Variants in LRRC40 observed in about 807,000 individuals in gnomAD.
LRRC40 encodes leucine rich repeat containing 40, also known as leucine-rich repeat-containing protein 40.
In LRRC40, 76 loss-of-function variants were observed where a neutral mutation model predicts 72.8. The ratio of observed to expected loss-of-function variants is 1.04; its 90% CI spans 0.87 to 1.26. LRRC40 has a LOEUF of 1.26. Among genes scored for constraint, LRRC40 ranks in the 50% most tolerant of loss-of-function variants. The pLI, the probability that LRRC40 is intolerant of heterozygous loss-of-function variation, is 0.00. For missense variants in LRRC40, 684 were observed against 698.9 expected (o/e 0.98, Z 0.24); for synonymous variants, 243 against 254.2 (o/e 0.96, Z 0.42).
intron 2 of LRRC40, 44 bp from the exon 3 acceptor site, chr1:70,187,382 A>G (rs761846103): frequency 2.2e-6 from 2 of 929,862 alleles, no homozygotes; most frequent in Non-Finnish European, 3.4e-6. Flanking sequence ...TAGTCTTATC[A>G]TTAACAATAT....
chr1:70,204,179 C>T (rs1668830865), intron 1 of LRRC40, among the ~76,000 whole-genome samples: 2 of 152,196 alleles, frequency 1.3e-5, no homozygotes, highest in African/African-American at 2.4e-5. Context: ...TTTGAGAATA[C>T]TCATTCACTT....
chr1:70,203,812 G>C (rs570018869), intron 1 of LRRC40, among the ~76,000 whole-genome samples: 1 of 152,280 alleles, frequency 6.6e-6, no homozygotes, highest in East Asian at 1.9e-4. Context: ...AATTATAGTG[G>C]TTTGCCTATC....
intron 7 of LRRC40, 33 bp downstream of exon 7, chr1:70,175,777 C>T (rs754510905): frequency 5.0e-6 from 7 of 1,412,476 alleles, no homozygotes; most frequent in East Asian, 2.6e-5. Flanking sequence ...CAAATACAAA[C>T]ACAATTTCTA....
At position 70,194,359 on chromosome 1, in the gene LRRC40, G is replaced by GA. The variant is rs527724763; in HGVS notation, c.152-5087dup. 2.0e-3 allele frequency among the ~76,000 whole-genome samples: 307 copies of GA among 152,154 alleles called. 1 individual carries two copies. The highest frequency in any genetic ancestry group is 7.2e-3 in the African/African-American group (300 of 41,558). On this transcript the variant is annotated intron_variant, in intron 1 of 14. Transcript: ENST00000370952. ...TACAATACAAGACATCCGAAACCAT[G>GA]AAATAGTATTAAATGTACAAAATAT...
At position 70,159,439 on chromosome 1, in the gene LRRC40, C is replaced by G; in HGVS notation, c.1112-1G>C. 1 of 1,485,122 alleles carries G rather than the reference C, an allele frequency of 6.7e-7. No individual in the cohort carries two copies. The highest frequency in any genetic ancestry group is 9.3e-7 in the Non-Finnish European group (1 of 1,075,080). The allele number at this position is 1,485,122 out of a possible 1,614,324, so 92.0% of individuals were successfully genotyped here. A position where few individuals can be genotyped will look rare whatever the true frequency, so the allele number is the denominator to read the frequency against. ...GACTCACTTTGGCTAGGTCCATCAT[C>G]TGGCAAAAGAAAACTTATATGAAGC... On this transcript the variant is annotated splice_acceptor_variant, in intron 9 of 14. Coordinates refer to ENST00000370952, the MANE Select transcript of LRRC40 (RefSeq NM_017768.5). LOFTEE classifies it high-confidence loss of function.
intron 14 of LRRC40, among the ~76,000 whole-genome samples, chr1:70,147,677 TTA>T (rs1440430425): frequency 6.6e-6 from 1 of 152,172 alleles, no homozygotes; most frequent in Non-Finnish European, 1.5e-5. Flanking sequence ...TCAACTGTAT[TTA>T]TAGTCTCCTA....
At chr1:70,201,764 G>A (rs2100357055) in intron 1 of LRRC40, among the ~76,000 whole-genome samples, 1 of 152,230 alleles carries the variant, frequency 6.6e-6, no homozygotes, top group African/African-American at 2.4e-5. Context: ...CCTGAGGTCA[G>A]CAGTTCAAGA....
At chr1:70,169,846 C>G (rs1311064858) in intron 9 of LRRC40, among the ~76,000 whole-genome samples, 1 of 152,054 alleles carries the variant, frequency 6.6e-6, no homozygotes, top group East Asian at 1.9e-4. Context: ...TTCTACCAAA[C>G]ATTCAAAAAA....
In LRRC40 at chr1:70,178,886, A is replaced by G. The variant is rs756727336; in HGVS notation, c.769T>C (p.Phe257Leu). Residue 257 changes from phenylalanine (F) to leucine (L), a missense_variant, in exon 6 of 15, where the codon TTT becomes CTT. Physicochemically the swap from Phe to Leu is conservative, Grantham distance 22. Transcript: ENST00000370952. ...CTACAAGAAGGAAATTCTGGTAGAA[A>G]ACGTAATTTATTCCTCCGCAAATAA... ...LLYLRRNKLR[F>L]LPEFPSCSLL... The G allele has an allele frequency of 1.3e-6, 2 of 1,598,038 alleles. No homozygotes were observed. The highest frequency in any genetic ancestry group is 2.7e-5 in the African/African-American group (2 of 74,770).
intron 9 of LRRC40, among the ~76,000 whole-genome samples, chr1:70,169,378 C>G (rs1030395859): frequency 6.6e-6 from 1 of 152,060 alleles, no homozygotes; most frequent in African/African-American, 2.4e-5. Context: ...TTTAACCACC[C>G]AGAACGCTGG....
chr1:70,150,288 G>C (rs753699734), intron 13 of LRRC40, among the ~76,000 whole-genome samples: 1 of 152,098 alleles, frequency 6.6e-6, no homozygotes, highest in Non-Finnish European at 1.5e-5. Flanking sequence ...TGACATAGTT[G>C]TTAAGAGCCC....
intron 1 of LRRC40, among the ~76,000 whole-genome samples, chr1:70,189,845 G>T (rs191074649): frequency 6.6e-6 from 1 of 152,284 alleles, no homozygotes; most frequent in African/African-American, 2.4e-5. Context: ...TTTGGCCAGG[G>T]TTACAAAGCT....
At chr1:70,204,030 G>T (rs897708469) in intron 1 of LRRC40, among the ~76,000 whole-genome samples, 1 of 152,078 alleles carries the variant, frequency 6.6e-6, no homozygotes, top group African/African-American at 2.4e-5. Flanking sequence ...TTAGGTTCTG[G>T]TTATATAACA....
chr1:70,157,996 G>A (rs1667676230), intron 10 of LRRC40, among the ~76,000 whole-genome samples: 1 of 150,878 alleles, frequency 6.6e-6, no homozygotes, highest in Non-Finnish European at 1.5e-5. Context: ...AGCTACTTGG[G>A]AGGCTGAGGT....
At chr1:70,175,065 G>A (rs998341077) in intron 7 of LRRC40, among the ~76,000 whole-genome samples, 3 of 151,862 alleles carry the variant, frequency 2.0e-5, no homozygotes, top group African/African-American at 7.3e-5. Flanking sequence ...ACCGGATTTG[G>A]GCTTAAAGTG....
At chr1:70,189,423 T>C (rs1668444231) in intron 1 of LRRC40, 150 bp from the exon 2 acceptor site, 1 of 642,634 alleles carries the variant, frequency 1.6e-6, no homozygotes, top group Non-Finnish European at 2.6e-6. Flanking sequence ...TAAATAGCAA[T>C]AAATATAACT....
intron 6 of LRRC40, among the ~76,000 whole-genome samples, chr1:70,177,660 GACATAT>G (rs1392465455): frequency 6.6e-6 from 1 of 152,192 alleles, no homozygotes; most frequent in African/African-American, 2.4e-5. Context: ...TGAATTGCCT[GACATAT>G]ACCATAGATT....
chr1:70,157,608 G>C (rs561692263), intron 10 of LRRC40, among the ~76,000 whole-genome samples: 1 of 152,136 alleles, frequency 6.6e-6, no homozygotes, highest in South Asian at 2.1e-4. Flanking sequence ...TTAGAATAGA[G>C]ACTCAATAAA....
rs749077233 is a variant in LRRC40 at position 70,181,138 on chromosome 1, A to G, written c.609T>C (p.Asn203=). 2 of 1,600,516 alleles carry G rather than the reference A, an allele frequency of 1.2e-6. No homozygotes were observed. The highest frequency in any genetic ancestry group is 1.7e-6 in the Non-Finnish European group (2 of 1,171,644). Residue 203 remains asparagine (N), a synonymous_variant, in exon 5 of 15, where the codon AAT becomes AAC. Transcript: ENST00000370952. Reference sequence around the variant, plus strand: ...AACTCTTCAGTTCATTACTAGAAAGATTGAGTCGCACCAGACTGGACAGAG... The same window carrying G: ...AACTCTTCAGTTCATTACTAGAAAGGTTGAGTCGCACCAGACTGGACAGAG... ...FSSLSSLVRL[N]LSSNELKSLP...
Sources: allele counts gnomAD v4.1 joint callset (sites outside exome capture counted in the v4.1 genomes callset), GRCh38; gene constraint gnomAD v4.1.1; transcripts MANE v1.5; gene names NCBI Gene and HGNC (gene_info 2026-07-23, HGNC 2026-07-21).